Variants in KIAA0825 observed in about 807,000 individuals in gnomAD.
The protein encoded by KIAA0825 is uncharacterized protein KIAA0825.
In KIAA0825, 119 loss-of-function variants were observed where a neutral mutation model predicts 147.6. The observed-to-expected ratio is 0.81, with a 90% CI of 0.69 to 0.94. KIAA0825 has a LOEUF of 0.94. Among genes scored for constraint, KIAA0825 ranks in the 40% least tolerant of loss-of-function variants. The probability of loss-of-function intolerance (pLI) is 0.00; values close to 1 mark genes in which losing one functional copy is unlikely to be tolerated. For synonymous variants in KIAA0825, 470 were observed against 518.1 expected (o/e 0.91, Z 1.26); for missense variants, 1,381 against 1,472.7 (o/e 0.94, Z 1.02).
Position 94,471,677 on chromosome 5 carries a change from A to G in KIAA0825, c.1510T>C (p.Cys504Arg). 6.4e-7 allele frequency: 1 copy of G among 1,552,352 alleles called. No homozygotes were observed. The highest frequency in any genetic ancestry group is 1.2e-5 in the South Asian group (1 of 84,066). ...ATTTCCTGAAAAGAATCATCTCTGC[A>G]TGCCAGAGCCAGTGGAAGCATTGTG... ...LDTMLPLALA[C>R]RDDSFQEIRA... is the part of the protein sequence containing the mutation. Residue 504 changes from cysteine (C) to arginine (R), a missense_variant, in exon 9 of 21, where the codon TGC becomes CGC. Cys to Arg is a radical substitution (Grantham distance 180). Transcript: ENST00000682413.
At chr5:94,367,196 C>T (rs912914042) in intron 20 of KIAA0825, among the ~76,000 whole-genome samples, 1 of 152,134 alleles carries the variant, frequency 6.6e-6, no homozygotes, top group East Asian at 1.9e-4. Context: ...TGAAGAGGAA[C>T]CTCCACTTTA....
intron 20 of KIAA0825, among the ~76,000 whole-genome samples, chr5:94,251,016 A>G (rs2150120875): frequency 6.6e-6 from 1 of 152,254 alleles, no homozygotes; most frequent in East Asian, 1.9e-4. Context: ...GGGCACCACA[A>G]CCTTTTATTC....
chr5:94,491,489 G>A (rs978851549), intron 5 of KIAA0825, among the ~76,000 whole-genome samples: 6 of 152,064 alleles, frequency 3.9e-5, no homozygotes, highest in African/African-American at 1.2e-4. Context: ...TCAAATGCTC[G>A]GTTCCATGGA....
At chr5:94,268,343 T>C (rs143158735) in intron 20 of KIAA0825, among the ~76,000 whole-genome samples, 2 of 152,160 alleles carry the variant, frequency 1.3e-5, no homozygotes, top group East Asian at 3.9e-4. Context: ...CTGGGCGGGC[T>C]GGGTGTTGGA....
chr5:94,375,326 C>T (rs1297653428), intron 20 of KIAA0825, among the ~76,000 whole-genome samples: 10 of 152,010 alleles, frequency 6.6e-5, no homozygotes, highest in African/African-American at 2.2e-4. Flanking sequence ...CCACCACACC[C>T]GGCCAAAAAT....
chr5:94,553,113 C>T (rs1019695729), intron 2 of KIAA0825, among the ~76,000 whole-genome samples: 1 of 152,164 alleles, frequency 6.6e-6, no homozygotes, highest in African/African-American at 2.4e-5. Context: ...TGAAACATCA[C>T]TATGTACCCA....
intron 20 of KIAA0825, among the ~76,000 whole-genome samples, chr5:94,356,884 C>A (rs1485215450): frequency 6.6e-6 from 1 of 151,630 alleles, no homozygotes; most frequent in Non-Finnish European, 1.5e-5. Context: ...ACCACCACAC[C>A]CAGCTAATTT....
chr5:94,536,692 A>G (rs376140149), intron 3 of KIAA0825, among the ~76,000 whole-genome samples: 1 of 152,224 alleles, frequency 6.6e-6, no homozygotes, highest in East Asian at 1.9e-4. Flanking sequence ...TTACACTCTA[A>G]CCATATTAAT....
chr5:94,447,641 A>G (rs1330166457), intron 13 of KIAA0825, among the ~76,000 whole-genome samples: 1 of 152,154 alleles, frequency 6.6e-6, no homozygotes, highest in Admixed American at 6.6e-5. Context: ...GAATGCATTT[A>G]TTGAAGGAAT....
At chr5:94,290,327 CCTT>C (rs1278788779) in intron 20 of KIAA0825, among the ~76,000 whole-genome samples, 1 of 152,148 alleles carries the variant, frequency 6.6e-6, no homozygotes, top group Non-Finnish European at 1.5e-5. Context: ...ATGTTCCCCT[CCTT>C]GTGTCCATGT....
chr5:94,223,563 A>G (rs762329752), intron 20 of KIAA0825, among the ~76,000 whole-genome samples: 1 of 152,208 alleles, frequency 6.6e-6, no homozygotes, highest in Non-Finnish European at 1.5e-5. Flanking sequence ...TCACTTGACA[A>G]ACGTTTTCCA....
intron 5 of KIAA0825, among the ~76,000 whole-genome samples, chr5:94,510,070 T>G (rs1178912408): frequency 6.6e-6 from 1 of 152,156 alleles, no homozygotes; most frequent in East Asian, 1.9e-4. Context: ...ATCAAAAAAT[T>G]TGGAGGCAAT....
At chr5:94,531,472 T>C (rs964231647) in intron 3 of KIAA0825, among the ~76,000 whole-genome samples, 8 of 152,128 alleles carry the variant, frequency 5.3e-5, no homozygotes, top group Non-Finnish European at 4.4e-5. Flanking sequence ...TGGAAAAGTT[T>C]AAAAAGTAGG....
At chr5:94,490,617 C>A (rs892675886) in intron 5 of KIAA0825, among the ~76,000 whole-genome samples, 1 of 151,424 alleles carries the variant, frequency 6.6e-6, no homozygotes, top group Non-Finnish European at 1.5e-5. Flanking sequence ...AAGGTGCGCA[C>A]AGATATTTAC....
chr5:94,226,854 C>T (rs1018262245), intron 20 of KIAA0825, among the ~76,000 whole-genome samples: 1 of 152,112 alleles, frequency 6.6e-6, no homozygotes, highest in South Asian at 2.1e-4. Flanking sequence ...GAGATACCAT[C>T]TCACGCCAGT....
chr5:94,459,914 T>TA (rs1759600016), intron 12 of KIAA0825, among the ~76,000 whole-genome samples: 1 of 152,134 alleles, frequency 6.6e-6, no homozygotes, highest in African/African-American at 2.4e-5. Flanking sequence ...TAATTTAAAA[T>TA]AAAAAATATC....
rs547210848 is a variant in KIAA0825, at chr5:94,480,193, T to C, written c.1133-2988A>G. Among the ~76,000 whole-genome samples, 22 of 152,172 alleles carry C rather than the reference T, an allele frequency of 1.4e-4. No homozygotes were observed. The South Asian group carries it at 3.7e-3, about 26-fold the overall frequency. On this transcript the variant is annotated intron_variant, in intron 6 of 20. Coordinates refer to ENST00000682413, the MANE Select transcript of KIAA0825 (RefSeq NM_001145678.3). Reference sequence around the variant, plus strand: ...TGAAGAGAGAAAAAAATCCTAACTGTCCATCAATGAATAACTGGTTAAATT... The same window carrying C: ...TGAAGAGAGAAAAAAATCCTAACTGCCCATCAATGAATAACTGGTTAAATT...
At chr5:94,297,607 T>C (rs927637247) in intron 20 of KIAA0825, among the ~76,000 whole-genome samples, 2 of 151,594 alleles carry the variant, frequency 1.3e-5, no homozygotes, top group Admixed American at 6.6e-5. Flanking sequence ...TTATTGTTAT[T>C]ATTTTTGAGA....
chr5:94,521,233 T>C (rs1359682885), intron 4 of KIAA0825, among the ~76,000 whole-genome samples: 2 of 151,796 alleles, frequency 1.3e-5, no homozygotes, highest in African/African-American at 4.8e-5. Context: ...GGCTTAAAAA[T>C]TCTAAATACA....
Sources: gnomAD v4.1 joint callset for allele counts (sites outside exome capture counted in the v4.1 genomes callset) on GRCh38, gnomAD v4.1.1 for gene constraint, MANE v1.5 for transcripts, NCBI Gene and HGNC (gene_info 2026-07-23, HGNC 2026-07-21) for gene names.